FBXL4: variants seen among roughly 807,000 people sequenced by gnomAD.
FBXL4 encodes F-box/LRR-repeat protein 4.
A neutral mutation model predicts 58.9 loss-of-function variants in FBXL4; 40 were observed. The ratio of observed to expected loss-of-function variants is 0.68; its 90% CI spans 0.53 to 0.88. The LOEUF (loss-of-function observed/expected upper bound fraction) is 0.88. Ranked by LOEUF, FBXL4 falls within the 40% of genes least tolerant of loss-of-function variation. The pLI, the probability that FBXL4 is intolerant of heterozygous loss-of-function variation, is 0.00. For synonymous variants in FBXL4, 263 were observed against 265.5 expected, an observed-to-expected ratio of 0.99 and a Z score of 0.09; for missense variants, 676 against 734.4, an observed-to-expected ratio of 0.92 and a Z score of 0.92.
At chr6:98,898,131 A>G (rs1429908028) in intron 7 of FBXL4, 1 of 184,702 alleles carries the variant, frequency 5.4e-6, no homozygotes, top group African/African-American at 2.4e-5. Flanking sequence ...CCAGGAAGCC[A>G]TCTCTAAAAA....
At chr6:98,918,920 A>T (rs1772474967) in intron 4 of FBXL4, among the ~76,000 whole-genome samples, 1 of 152,094 alleles carries the variant, frequency 6.6e-6, no homozygotes, top group Non-Finnish European at 1.5e-5. Context: ...AATGGCACTT[A>T]ATTTTTTTAT....
At chr6:98,899,619 T>A in intron 6 of FBXL4, 138 bp from the exon 7 acceptor site, 2 of 1,068,236 alleles carry the variant, frequency 1.9e-6, no homozygotes, top group Non-Finnish European at 2.6e-6. Context: ...TTGTTTTGCT[T>A]AAATTCTTAT....
intron 5 of FBXL4, 138 bp from the exon 6 acceptor site, chr6:98,905,808 C>T: frequency 1.2e-6 from 1 of 857,748 alleles, no homozygotes; most frequent in Non-Finnish European, 1.7e-6. Flanking sequence ...AAACATCCAA[C>T]AGAATTATCC....
chr6:98,947,544 C>G (rs984672775), intron 1 of FBXL4, among the ~76,000 whole-genome samples: 1 of 152,238 alleles, frequency 6.6e-6, no homozygotes, highest in African/African-American at 2.4e-5. Flanking sequence ...CGACGCCTCA[C>G]AGCCTGCAGG....
chr6:98,912,107 G>A (rs540611636), intron 5 of FBXL4, among the ~76,000 whole-genome samples: 20 of 152,294 alleles, frequency 1.3e-4, no homozygotes, highest in East Asian at 1.2e-3. Flanking sequence ...GAAATGAAGC[G>A]AGAAGGGATG....
chr6:98,947,458 C>A (rs1773664738), intron 1 of FBXL4, among the ~76,000 whole-genome samples: 1 of 152,246 alleles, frequency 6.6e-6, no homozygotes, highest in Non-Finnish European at 1.5e-5. Flanking sequence ...GCTGCCGGCG[C>A]AGCACTGAGC....
intron 4 of FBXL4, among the ~76,000 whole-genome samples, chr6:98,918,003 T>A (rs939875765): frequency 5.9e-5 from 9 of 152,182 alleles, no homozygotes; most frequent in Non-Finnish European, 1.0e-4. Context: ...TGAACAACAT[T>A]ACAGTTTACA....
At chr6:98,878,086 AAACTCACTACAGAG>A (rs1233867326) in intron 8 of FBXL4, among the ~76,000 whole-genome samples, 1 of 152,198 alleles carries the variant, frequency 6.6e-6, no homozygotes, top group Non-Finnish European at 1.5e-5. Context: ...TATCTACATT[AAACTCACTACAGAG>A]AAAGTATGCC....
At chr6:98,876,483 T>TA (rs1770666875) in intron 8 of FBXL4, among the ~76,000 whole-genome samples, 1 of 152,216 alleles carries the variant, frequency 6.6e-6, no homozygotes, top group Non-Finnish European at 1.5e-5. Context: ...AACAAAATAG[T>TA]AAACAATTAC....
At chr6:98,906,066 AC>A (rs1562231266) in intron 5 of FBXL4, among the ~76,000 whole-genome samples, 1 of 152,090 alleles carries the variant, frequency 6.6e-6, no homozygotes, top group Non-Finnish European at 1.5e-5. Flanking sequence ...GGACAATGAT[AC>A]GTTTTAATAG....
intron 7 of FBXL4, chr6:98,897,197 C>A (rs1582390604): frequency 2.0e-6 from 2 of 985,124 alleles, no homozygotes; most frequent in Non-Finnish European, 1.2e-6. Context: ...CAGAGGATTT[C>A]GTTTATAGTA....
rs1027076881 is a variant in FBXL4, at chr6:98,869,824, A to T, written c.*4454T>A. The T allele has an allele frequency of 6.6e-6, 1 of 152,226 alleles. No individual in the cohort carries two copies. The allele number at this position is 152,226 out of a possible 1,614,324, so 9.4% of individuals were successfully genotyped here. A position where few individuals can be genotyped will look rare whatever the true frequency, so the allele number is the denominator to read the frequency against. ...GTTTTTCTCTGCTACATATTGGCTC[A>T]AAAGTAAGCACCTGAATATTAATTG... On this transcript the variant is annotated 3_prime_UTR_variant, in exon 10 of 10. Coordinates refer to ENST00000369244, the MANE Select transcript of FBXL4 (RefSeq NM_001278716.2).
intron 1 of FBXL4, among the ~76,000 whole-genome samples, chr6:98,942,118 A>G (rs369613531): frequency 2.0e-4 from 31 of 152,004 alleles, no homozygotes; most frequent in African/African-American, 5.1e-4. Flanking sequence ...GAAAAAACAA[A>G]ATTAAATAAA....
At chr6:98,886,570 C>T (rs972597122) in intron 7 of FBXL4, among the ~76,000 whole-genome samples, 3 of 152,156 alleles carry the variant, frequency 2.0e-5, no homozygotes, top group Non-Finnish European at 2.9e-5. Flanking sequence ...GGTACTTTCA[C>T]TATTTCTTTG....
Position 98,869,996 on chromosome 6 carries a change from A to C in FBXL4, c.*4282T>G, listed in dbSNP as rs1339610681. 1.3e-5 allele frequency: 2 copies of C among 152,234 alleles called. No homozygotes were observed. Among genetic ancestry groups the C allele is most frequent in the African/African-American group, 4.8e-5 (2 of 41,464 alleles). 9.4% of individuals were successfully genotyped at this position (152,234 alleles called of 1,614,324 possible). A position where few individuals can be genotyped will look rare whatever the true frequency, so the allele number is the denominator to read the frequency against. On this transcript the variant is annotated 3_prime_UTR_variant, in exon 10 of 10. Transcript: ENST00000369244. ...GCAAAATGCAAAGATAAATAATTAT[A>C]CAAAAATTTAAGTCAGTTGTCAAAG...
intron 7 of FBXL4, among the ~76,000 whole-genome samples, chr6:98,887,669 G>A (rs796567428): frequency 6.7e-6 from 1 of 149,902 alleles, no homozygotes; most frequent in East Asian, 2.1e-4. Context: ...AGAGATTTAT[G>A]TTGAATGATA....
chr6:98,879,020 C>T (rs1770753557), intron 8 of FBXL4, among the ~76,000 whole-genome samples: 1 of 152,032 alleles, frequency 6.6e-6, no homozygotes, highest in African/African-American at 2.4e-5. Flanking sequence ...TTTAATAAGA[C>T]CTAACCACAA....
At chr6:98,880,271 G>A (rs1770803848) in intron 8 of FBXL4, among the ~76,000 whole-genome samples, 1 of 152,184 alleles carries the variant, frequency 6.6e-6, no homozygotes, top group Admixed American at 6.5e-5. Flanking sequence ...ACCTAGAGAG[G>A]TGATTAGCTT....
intron 4 of FBXL4, among the ~76,000 whole-genome samples, chr6:98,921,323 T>G (rs1318616553): frequency 6.6e-6 from 1 of 151,702 alleles, no homozygotes; most frequent in African/African-American, 2.4e-5. Context: ...GAAAGCAAGT[T>G]TTCTAACCTG....
Sources: gnomAD v4.1 joint callset for allele counts (sites outside exome capture counted in the v4.1 genomes callset) on GRCh38, gnomAD v4.1.1 for gene constraint, MANE v1.5 for transcripts, NCBI Gene and HGNC (gene_info 2026-07-23, HGNC 2026-07-21) for gene names.